The following GNAS variants were observed in gnomAD, a reference collection of about 807,000 sequenced individuals.
The protein encoded by GNAS is GNAS complex locus.
GNAS carries 8 observed loss-of-function variants against 54.5 expected under a neutral mutation model. That is an observed-to-expected ratio of 0.15 (90% CI 0.09 to 0.26). The LOEUF (loss-of-function observed/expected upper bound fraction) is 0.26, where lower values mean the gene tolerates loss of function less well. Among genes scored for constraint, GNAS ranks in the 10% least tolerant of loss-of-function variants. The pLI is 1.00. For synonymous variants in GNAS, 204 were observed against 191.4 expected (o/e 1.07, Z -0.54); for missense variants, 170 against 529.8 (o/e 0.32, Z 6.67).
At chr20:58,864,988 C>A (rs929645311) in intron 1 of GNAS, among the ~76,000 whole-genome samples, 16 of 152,192 alleles carry the variant, frequency 1.1e-4, no homozygotes, top group Non-Finnish European at 2.4e-4. Context: ...CTCTCTCTCT[C>A]TCTCTGACAA....
intron 6 of GNAS, among the ~76,000 whole-genome samples, chr20:58,907,416 G>A (rs1214475777): frequency 6.6e-6 from 1 of 152,124 alleles, no homozygotes; most frequent in Non-Finnish European, 1.5e-5. Context: ...GCTAATTATA[G>A]TAACGCAAAA....
At chr20:58,844,973 T>C (rs1339019149) in intron 1 of GNAS, among the ~76,000 whole-genome samples, 1 of 152,218 alleles carries the variant, frequency 6.6e-6, no homozygotes, top group Non-Finnish European at 1.5e-5. Flanking sequence ...AATTCCACTG[T>C]GTCCTTTCCC....
In GNAS at chr20:58,893,066, CTTTTTTTT is replaced by C. The variant is rs869179421; in HGVS notation, c.139+1217_139+1224del. 6.1e-4 allele frequency among the ~76,000 whole-genome samples: 63 copies of C among 103,084 alleles called. 1 individual carries two copies. Among genetic ancestry groups the C allele is most frequent in the Admixed American group, 1.6e-3 (16 of 9,966 alleles). The allele number at this position is 103,084 out of a possible 152,430, so 67.6% of individuals were successfully genotyped here. ...TCTTGGTCTGGAAATGGCGTGGTTT[CTTTTTTTT>C]TTTTTTTTTTTTTTTGTCCTCCTCA... On this transcript the variant is annotated intron_variant, in intron 1 of 12. Coordinates refer to ENST00000371085, the MANE Select transcript of GNAS (RefSeq NM_000516.7).
intron 1 of GNAS, among the ~76,000 whole-genome samples, chr20:58,874,637 T>TCCA (rs2087677988): frequency 1.4e-5 from 2 of 144,840 alleles, no homozygotes; most frequent in Non-Finnish European, 3.0e-5. Flanking sequence ...CTGGCCTGCC[T>TCCA]TCTATCTTAG....
At chr20:58,908,348 T>G (rs886519096) in intron 6 of GNAS, among the ~76,000 whole-genome samples, 1 of 152,128 alleles carries the variant, frequency 6.6e-6, no homozygotes, top group Non-Finnish European at 1.5e-5. Flanking sequence ...AAGCGTAATA[T>G]CTGGAGTGTT....
chr20:58,878,801 A>G (rs563443759), intron 1 of GNAS, among the ~76,000 whole-genome samples: 9 of 151,932 alleles, frequency 5.9e-5, no homozygotes, highest in Admixed American at 5.2e-4. Context: ...TTCTGTCTGG[A>G]AGGAGGGAGA....
intron 6 of GNAS, chr20:58,908,896 G>A (rs756425892): frequency 1.6e-5 from 9 of 556,860 alleles, no homozygotes; most frequent in East Asian, 3.2e-5. Flanking sequence ...CCACTGCGTC[G>A]AGGCCACAGG....
chr20:58,891,581 G>C lies in GNAS; in HGVS notation c.-146G>C. On this transcript the variant is annotated 5_prime_UTR_variant, in exon 1 of 13. Coordinates refer to ENST00000371085, the MANE Select transcript of GNAS (RefSeq NM_000516.7). Reference sequence around the variant, plus strand: ...CGCGCCCCGCGGCCCGCGGCCCGCAGTCCGCCCCGCGCGCTCCTTGCCGAG... The same window carrying C: ...CGCGCCCCGCGGCCCGCGGCCCGCACTCCGCCCCGCGCGCTCCTTGCCGAG... The C allele has an allele frequency of 1.0e-6, 1 of 970,666 alleles. No individual in the cohort carries two copies. The highest frequency in any genetic ancestry group is 1.2e-6 in the Non-Finnish European group (1 of 821,958). The allele number at this position is 970,666 out of a possible 1,614,324, so 60.1% of individuals were successfully genotyped here.
At chr20:58,900,031 G>T in intron 3 of GNAS, 1 of 690,630 alleles carries the variant, frequency 1.4e-6, no homozygotes, top group Non-Finnish European at 2.7e-6. Flanking sequence ...GAATTGCTCG[G>T]TCTTAGGAAC....
intron 1 of GNAS, chr20:58,884,683 C>T (rs4812041): frequency 0.13 from 19,265 of 152,260 alleles, 1,640 homozygotes; most frequent in Non-Finnish European, 0.18. Flanking sequence ...TTTCCCATTA[C>T]CTTAGTCCTC....
chr20:58,900,753 A>T (rs1243450801), intron 3 of GNAS, among the ~76,000 whole-genome samples: 1 of 152,244 alleles, frequency 6.6e-6, no homozygotes, highest in Non-Finnish European at 1.5e-5. Flanking sequence ...TTCATTAAGC[A>T]ATAGTAAAAG....
chr20:58,893,526 T>C (rs377193578), intron 1 of GNAS, among the ~76,000 whole-genome samples: 20 of 152,238 alleles, frequency 1.3e-4, no homozygotes, highest in African/African-American at 4.6e-4. Context: ...TTATTTTCCT[T>C]TGGTGGCTTT....
chr20:58,894,285 G>T (rs1457167951), intron 1 of GNAS, among the ~76,000 whole-genome samples: 3 of 152,208 alleles, frequency 2.0e-5, no homozygotes, highest in Non-Finnish European at 4.4e-5. Context: ...TAGAGATCCT[G>T]CTAAATATTA....
At chr20:58,840,339 A>C (rs772553938), upstream of GNAS, 1 of 1,613,126 alleles carries the variant, frequency 6.2e-7, no homozygotes, top group Non-Finnish European at 8.5e-7. This position sits in a 1 kb window ranked among gnomAD's most constrained non-coding sequence, Gnocchi z 6.0. Flanking sequence ...GTATTCCCTG[A>C]GTCCCCCGAA....
intron 3 of GNAS, among the ~76,000 whole-genome samples, chr20:58,899,684 TACACAGACACGCAC>T (rs1389414088): frequency 1.3e-5 from 2 of 151,434 alleles, no homozygotes; most frequent in African/African-American, 2.4e-5. Context: ...TGCACATGCA[TACACAGACACGCAC>T]ACACATCACA....
chr20:58,881,722 G>T (rs567232196), intron 1 of GNAS: 1 of 152,136 alleles, frequency 6.6e-6, no homozygotes, highest in Non-Finnish European at 1.5e-5. Context: ...TCCCATACCC[G>T]GGGGTAATCA....
intron 5 of GNAS, among the ~76,000 whole-genome samples, chr20:58,904,138 C>T (rs2146191608): frequency 6.6e-6 from 1 of 152,240 alleles, no homozygotes; most frequent in Admixed American, 6.5e-5. Flanking sequence ...TGAGCTATGG[C>T]AGGCTTAATT....
chr20:58,895,336 C>T (rs1362867289), intron 1 of GNAS: 10 of 452,328 alleles, frequency 2.2e-5, no homozygotes, highest in Admixed American at 6.8e-5. Context: ...AACACCACCC[C>T]ACAATTTTTT....
At position 58,863,864 on chromosome 20, in the gene GNAS, C is replaced by T. The variant is rs1481022995; in HGVS notation, c.43+22978C>T. ...GGTATTTTTACAGGGAACCTGCATTCAGGTAAGTTTGAAGCTGTGGGATAT... is the reference window on the plus strand; with the variant it reads ...GGTATTTTTACAGGGAACCTGCATTTAGGTAAGTTTGAAGCTGTGGGATAT... On this transcript the variant is annotated intron_variant, in intron 1 of 12. Coordinates refer to the GNAS transcript ENST00000306090. This position sits in a 1 kb window ranked among gnomAD's most constrained non-coding sequence, Gnocchi z 4.1. 6.6e-6 allele frequency: 1 copy of T among 152,616 alleles called. No homozygotes were observed. Among genetic ancestry groups the T allele is most frequent in the Non-Finnish European group, 1.5e-5 (1 of 68,050 alleles). 9.5% of individuals were successfully genotyped at this position (152,616 alleles called of 1,614,324 possible).
Sources: gnomAD v4.1 joint callset for allele counts (sites outside exome capture counted in the v4.1 genomes callset) on GRCh38, gnomAD v4.1.1 for gene constraint, Gnocchi (gnomAD v3.1) non-coding constraint, MANE v1.5 for transcripts, NCBI Gene and HGNC (gene_info 2026-07-23, HGNC 2026-07-21) for gene names.